Variants in RNF38 observed in about 807,000 individuals in gnomAD.
The protein encoded by RNF38 is ring finger protein 38.
In RNF38, 15 loss-of-function variants were observed where a neutral mutation model predicts 67.2. The observed-to-expected ratio is 0.22, with a 90% CI of 0.15 to 0.34. The LOEUF is 0.34. Among genes scored for constraint, RNF38 ranks in the 10% least tolerant of loss-of-function variants. The probability of loss-of-function intolerance (pLI) is 1.00; values close to 1 mark genes in which losing one functional copy is unlikely to be tolerated. For missense variants in RNF38, 524 were observed against 639.9 expected, an observed-to-expected ratio of 0.82 and a Z score of 1.95; for synonymous variants, 220 against 218.8, an observed-to-expected ratio of 1.01 and a Z score of -0.05.
chr9:36,458,913 C>T (rs1291954344), intron 1 of RNF38, among the ~76,000 whole-genome samples: 3 of 152,150 alleles, frequency 2.0e-5, no homozygotes, highest in African/African-American at 7.2e-5. Context: ...TTCTGTAAGA[C>T]AGAAAGATTG....
In RNF38 at chr9:36,427,814, G is replaced by A. The variant is rs577105510; in HGVS notation, n.242-3131C>T. On this transcript the variant is annotated intron_variant and non_coding_transcript_variant, in intron 1 of 3. Coordinates refer to the RNF38 transcript ENST00000488058. The stretch of plus-strand genomic sequence containing the variant: ...CAACCTCCACCTCCCGGGTTCAAGC[G>A]ATTATCCTGTCTCAGCCTCCCGAGT... 5.3e-5 allele frequency among the ~76,000 whole-genome samples: 8 copies of A among 151,914 alleles called. No homozygotes were observed. The East Asian group carries it at 1.4e-3, about 26-fold the overall frequency.
chr9:36,363,085 ATCC>A lies in RNF38; in HGVS notation c.571-5146_571-5144del, dbSNP rs1834691405. On this transcript the variant is annotated intron_variant, in intron 4 of 11. Coordinates refer to ENST00000259605, the MANE Select transcript of RNF38 (RefSeq NM_022781.5). ...CTATCATCCATCCATCCATCCATCC[ATCC>A]TTATCTACCTATGTATCTATCTATG... Among the ~76,000 whole-genome samples, 2 of 98,390 alleles carry A rather than the reference ATCC, an allele frequency of 2.0e-5. 1 individual carries two copies. The highest frequency in any genetic ancestry group is 1.9e-4 in the Admixed American group (2 of 10,732). The allele number at this position is 98,390 out of a possible 152,430, so 64.5% of individuals were successfully genotyped here.
intron 1 of RNF38, among the ~76,000 whole-genome samples, chr9:36,436,778 C>T (rs562289097): frequency 2.2e-5 from 3 of 139,388 alleles, no homozygotes; most frequent in East Asian, 4.2e-4. Context: ...GCCCAGATAG[C>T]ACCACTGCAC....
At chr9:36,377,225 A>C (rs1835855933) in intron 2 of RNF38, among the ~76,000 whole-genome samples, 2 of 152,218 alleles carry the variant, frequency 1.3e-5, no homozygotes, top group South Asian at 4.1e-4. Context: ...GTTTTCTAAT[A>C]GAACGTCTAT....
chr9:36,459,169 C>A (rs1054697615), intron 1 of RNF38, among the ~76,000 whole-genome samples: 3 of 150,910 alleles, frequency 2.0e-5, no homozygotes, highest in Non-Finnish European at 4.4e-5. Context: ...GATCACACCA[C>A]TGCACTCTAG....
At chr9:36,407,704 C>G (rs537899756) in intron 2 of RNF38, among the ~76,000 whole-genome samples, 1 of 152,288 alleles carries the variant, frequency 6.6e-6, no homozygotes, top group Admixed American at 6.5e-5. Context: ...TTCCGGAGAA[C>G]AGACAGCACC....
At chr9:36,401,255 T>G, upstream of RNF38, 1 of 979,580 alleles carries the variant, frequency 1.0e-6, no homozygotes, top group East Asian at 1.2e-4. Flanking sequence ...CTCGGACCAG[T>G]TCCGGCAACA....
At chr9:36,388,572 A>AT (rs1564031212) in intron 2 of RNF38, among the ~76,000 whole-genome samples, 1 of 152,058 alleles carries the variant, frequency 6.6e-6, no homozygotes, top group Non-Finnish European at 1.5e-5. Context: ...GTAGCAACAC[A>AT]TTTTTTCTCC....
rs572158628 is a variant in RNF38 at position 36,378,112 on chromosome 9, T to C, written c.163-1985A>G. ...CTGACAAACTTGCACATGAACTACA[T>C]GAGCACCAGAAACAGGCTGGCTGCA... On this transcript the variant is annotated intron_variant, in intron 2 of 11. Coordinates refer to ENST00000259605, the MANE Select transcript of RNF38 (RefSeq NM_022781.5). 5.9e-5 allele frequency among the ~76,000 whole-genome samples: 9 copies of C among 151,546 alleles called. No individual in the cohort carries two copies. The South Asian group carries it at 1.5e-3, about 25-fold the overall frequency.
At chr9:36,344,218 T>C (rs1833049403) in intron 10 of RNF38, among the ~76,000 whole-genome samples, 1 of 152,178 alleles carries the variant, frequency 6.6e-6, no homozygotes, top group Non-Finnish European at 1.5e-5. Context: ...TTTTGCCATG[T>C]TGGCCAGGCT....
At chr9:36,402,799 C>T (rs1458240307), upstream of RNF38, among the ~76,000 whole-genome samples, 1 of 152,170 alleles carries the variant, frequency 6.6e-6, no homozygotes, top group East Asian at 1.9e-4. Flanking sequence ...TGGTTACGAT[C>T]TTCAACAATG....
intron 11 of RNF38, among the ~76,000 whole-genome samples, chr9:36,341,789 T>G (rs1832851040): frequency 1.0e-5 from 1 of 98,760 alleles, no homozygotes; most frequent in Admixed American, 1.1e-4. Context: ...AGACCCTGTT[T>G]CAAAATATAT....
intron 2 of RNF38, among the ~76,000 whole-genome samples, chr9:36,389,889 G>GA (rs769639255): frequency 1.1e-4 from 17 of 152,126 alleles, no homozygotes; most frequent in Non-Finnish European, 1.9e-4. Flanking sequence ...AATATGGATT[G>GA]AAAGTTTGGT....
intron 11 of RNF38, 93 bp from the exon 12 acceptor site, chr9:36,339,907 T>C: frequency 9.0e-7 from 1 of 1,108,068 alleles, no homozygotes. Flanking sequence ...CCACAGTTTT[T>C]ACATTCTTTC....
rs927336891 is a variant in RNF38, at chr9:36,474,827, T to A, written n.241+12481A>T. 1.4e-5 allele frequency among the ~76,000 whole-genome samples: 2 copies of A among 147,734 alleles called. 1 individual carries two copies. Among genetic ancestry groups the A allele is most frequent in the African/African-American group, 5.0e-5 (2 of 39,888 alleles). ...GAGGCATTATAGGCTGAAGTAACAA[T>A]CAAAGGAACAGAGGTAGAAAAATCA... On this transcript the variant is annotated intron_variant and non_coding_transcript_variant, in intron 1 of 3. Transcript: ENST00000488058.
intron 1 of RNF38, among the ~76,000 whole-genome samples, chr9:36,477,521 T>G (rs1840148134): frequency 6.6e-6 from 1 of 151,116 alleles, no homozygotes; most frequent in East Asian, 2.0e-4. Flanking sequence ...ACAAAAAAGT[T>G]TAAAAGGTTA....
chr9:36,452,239 A>G (rs1218748347), intron 1 of RNF38, among the ~76,000 whole-genome samples: 1 of 152,068 alleles, frequency 6.6e-6, no homozygotes, highest in Non-Finnish European at 1.5e-5. Flanking sequence ...AAAAACTTTA[A>G]AATGTTCTTA....
chr9:36,442,359 T>C (rs1839210650), intron 1 of RNF38, among the ~76,000 whole-genome samples: 1 of 152,140 alleles, frequency 6.6e-6, no homozygotes, highest in Non-Finnish European at 1.5e-5. Context: ...GTTCATTAAA[T>C]AAAATCCCTT....
At chr9:36,454,536 A>G (rs1407600016) in intron 1 of RNF38, among the ~76,000 whole-genome samples, 1 of 152,020 alleles carries the variant, frequency 6.6e-6, no homozygotes, top group Non-Finnish European at 1.5e-5. Context: ...AAAACCTGAG[A>G]AAAAAATTAT....
Sources: gnomAD v4.1 joint callset for allele counts (sites outside exome capture counted in the v4.1 genomes callset) on GRCh38, gnomAD v4.1.1 for gene constraint, MANE v1.5 for transcripts, NCBI Gene and HGNC (gene_info 2026-07-23, HGNC 2026-07-21) for gene names.